DNMBP: variants seen among roughly 807,000 people sequenced by gnomAD.
DNMBP encodes dynamin binding protein, also known as dynamin-binding protein.
DNMBP carries 87 observed loss-of-function variants against 150.0 expected under a neutral mutation model. That is an observed-to-expected ratio of 0.58 (90% CI 0.49 to 0.69). The LOEUF (loss-of-function observed/expected upper bound fraction) is 0.69. DNMBP is among the 30% of genes least tolerant of loss of function. The pLI is 0.00. For missense variants in DNMBP, 1,774 were observed against 1,949.0 expected (o/e 0.91, Z 1.69); for synonymous variants, 711 against 750.4 (o/e 0.95, Z 0.86).
intron 6 of DNMBP, among the ~76,000 whole-genome samples, chr10:99,901,930 G>T (rs986454488): frequency 6.6e-6 from 1 of 151,876 alleles, no homozygotes; most frequent in African/African-American, 2.4e-5. Context: ...TTAAGACAGG[G>T]TCTCCTGCGT....
At chr10:99,972,205 G>C (rs747818676) in intron 1 of DNMBP, 71 bp from the exon 2 acceptor site, 2 of 1,358,116 alleles carry the variant, frequency 1.5e-6, no homozygotes, top group Non-Finnish European at 1.0e-6. Flanking sequence ...CTATTTCTTG[G>C]AATGATAAAG....
chr10:99,915,012 T>G (rs1426055305), intron 4 of DNMBP, among the ~76,000 whole-genome samples: 1 of 149,400 alleles, frequency 6.7e-6, no homozygotes. Flanking sequence ...GAAAATCGCT[T>G]GAACCTGGGA....
chr10:99,936,886 T>C (rs1589428184), intron 4 of DNMBP, among the ~76,000 whole-genome samples: 2 of 151,522 alleles, frequency 1.3e-5, no homozygotes, highest in Admixed American at 6.6e-5. Context: ...AAACTCTAGA[T>C]TGTCAAACCT....
chr10:99,904,442 C>T (rs2039793588), intron 6 of DNMBP, among the ~76,000 whole-genome samples: 2 of 152,122 alleles, frequency 1.3e-5, no homozygotes, highest in African/African-American at 4.8e-5. Context: ...CTATCTCAGC[C>T]ACCTGCCCTT....
At chr10:99,879,101 A>AAAAAAAAAAAAAAAAC (rs1554857510) in intron 16 of DNMBP, among the ~76,000 whole-genome samples, 17 of 135,146 alleles carry the variant, frequency 1.3e-4, no homozygotes, top group African/African-American at 5.0e-4. Flanking sequence ...AAAAAAAAAA[A>AAAAAAAAAAAAAAAAC]CCCAAAACGT....
At chr10:99,967,867 T>A (rs535546517) in intron 3 of DNMBP, among the ~76,000 whole-genome samples, 1 of 152,318 alleles carries the variant, frequency 6.6e-6, no homozygotes, top group Middle Eastern at 3.4e-3. Flanking sequence ...CACTACTGGT[T>A]TCTCTGTTTA....
rs1360668840 is a variant in DNMBP, at chr10:99,880,177, A to G, written c.4182T>C (p.Phe1394=). ...TFNPSSMAVS[F]TSGSCQKQPQ... ...GCTGCTTCTGGCAAGACCCCGAGGT[A>G]AAGGATACAGCCATGCTGCTGGGGT... The change falls in exon 16 of 17, where the codon TTT becomes TTC. Residue 1394 remains phenylalanine (F), a synonymous_variant. Transcript: ENST00000324109. 2 of 1,614,068 alleles carry G rather than the reference A, an allele frequency of 1.2e-6. No individual in the cohort carries two copies. The highest frequency in any genetic ancestry group is 2.7e-5 in the African/African-American group (2 of 74,904).
chr10:99,967,668 G>GT (rs1554871375), intron 3 of DNMBP, among the ~76,000 whole-genome samples: 1 of 145,564 alleles, frequency 6.9e-6, no homozygotes, highest in East Asian at 2.0e-4. Context: ...GGTTTTTCTG[G>GT]GTGTGTGTGT....
chr10:99,992,587 C>A (rs926964054), intron 1 of DNMBP, among the ~76,000 whole-genome samples: 57 of 142,176 alleles, frequency 4.0e-4, no homozygotes, highest in Non-Finnish European at 7.4e-4. Context: ...AGTGCGGTGG[C>A]GTGATCTCGG....
chr10:99,904,559 C>T (rs1009581810), intron 6 of DNMBP, among the ~76,000 whole-genome samples: 13 of 152,078 alleles, frequency 8.5e-5, no homozygotes, highest in African/African-American at 2.7e-4. Context: ...CCCCACTGAA[C>T]GCACGCCTGG....
intron 4 of DNMBP, among the ~76,000 whole-genome samples, chr10:99,922,620 A>G (rs995627318): frequency 2.0e-5 from 3 of 150,096 alleles, no homozygotes; most frequent in Non-Finnish European, 4.4e-5. Context: ...GGGCTCAAGC[A>G]ATCTTAACCA....
chr10:99,938,204 A>T (rs1476409765), intron 4 of DNMBP, among the ~76,000 whole-genome samples: 2 of 152,230 alleles, frequency 1.3e-5, no homozygotes, highest in African/African-American at 4.8e-5. Flanking sequence ...CCAAGAGAAG[A>T]GATAAAAAGA....
At chr10:99,892,920 T>G (rs2039595673) in intron 11 of DNMBP, among the ~76,000 whole-genome samples, 2 of 152,014 alleles carry the variant, frequency 1.3e-5, no homozygotes, top group African/African-American at 4.8e-5. Flanking sequence ...TAAACTGAGG[T>G]AGGGGGAGGA....
chr10:99,877,090 GCCA>G lies in DNMBP; in HGVS notation c.*58_*60del. ...GGAGCAGGCGCCCTCTCGGTGGGCC[GCCA>G]GAACCCTCGGCGGACTGAAAGCAAA... On this transcript the variant is annotated 3_prime_UTR_variant, in exon 17 of 17. Transcript: ENST00000324109. The G allele has an allele frequency of 7.2e-7, 1 of 1,396,746 alleles. No homozygotes were observed. Among genetic ancestry groups the G allele is most frequent in the South Asian group, 1.7e-5 (1 of 60,058 alleles). 86.5% of individuals were successfully genotyped at this position (1,396,746 alleles called of 1,614,324 possible). A position where few individuals can be genotyped will look rare whatever the true frequency, so the allele number is the denominator to read the frequency against.
intron 10 of DNMBP, 72 bp from the exon 11 acceptor site, chr10:99,895,122 C>CTTTTTTT (rs373241582): frequency 9.8e-6 from 5 of 510,348 alleles, no homozygotes; most frequent in Admixed American, 3.7e-5. Flanking sequence ...AAGTAGCTTG[C>CTTTTTTT]TTTTTTTTTT....
intron 4 of DNMBP, among the ~76,000 whole-genome samples, chr10:99,917,289 G>A (rs979006034): frequency 2.0e-5 from 3 of 152,140 alleles, no homozygotes; most frequent in African/African-American, 7.2e-5. Flanking sequence ...CCTGGGAGAT[G>A]GAGGTTGCAG....
At chr10:99,978,786 G>A (rs1321318690) in intron 1 of DNMBP, among the ~76,000 whole-genome samples, 1 of 152,162 alleles carries the variant, frequency 6.6e-6, no homozygotes, top group Admixed American at 6.5e-5. Flanking sequence ...TGCCCAGGCT[G>A]GTGGTCTTGA....
intron 2 of DNMBP, among the ~76,000 whole-genome samples, chr10:99,971,363 T>C (rs1478768496): frequency 2.0e-5 from 3 of 152,040 alleles, no homozygotes; most frequent in African/African-American, 4.8e-5. Flanking sequence ...CCTCCCTACC[T>C]CCCATCCTTT....
chr10:99,900,397 T>C (rs533724675), intron 6 of DNMBP, among the ~76,000 whole-genome samples: 15 of 150,782 alleles, frequency 9.9e-5, no homozygotes, highest in Non-Finnish European at 1.5e-4. Flanking sequence ...CCCTAGTAGC[T>C]GGGACCACGT....
Sources: allele counts gnomAD v4.1 joint callset (sites outside exome capture counted in the v4.1 genomes callset), GRCh38; gene constraint gnomAD v4.1.1; transcripts MANE v1.5; gene names NCBI Gene and HGNC (gene_info 2026-07-23, HGNC 2026-07-21).